The following STXBP5L variants were observed in gnomAD, a reference collection of about 807,000 sequenced individuals.
STXBP5L encodes the protein syntaxin binding protein 5L.
STXBP5L carries 65 observed loss-of-function variants against 144.5 expected under a neutral mutation model. That is an observed-to-expected ratio of 0.45 (90% CI 0.37 to 0.55). STXBP5L has a LOEUF of 0.55. Ranked by LOEUF, STXBP5L falls within the 20% of genes least tolerant of loss-of-function variation. The pLI is 0.00. For synonymous variants in STXBP5L, 505 were observed against 469.6 expected (o/e 1.08, Z -0.97); for missense variants, 1,298 against 1,405.5 (o/e 0.92, Z 1.22).
chr3:121,151,771 A>G (rs1237490378), intron 7 of STXBP5L, among the ~76,000 whole-genome samples: 1 of 152,088 alleles, frequency 6.6e-6, no homozygotes, highest in Non-Finnish European at 1.5e-5. Context: ...TGGTAACAAA[A>G]AAATAGGAAG....
At chr3:121,189,524 A>T (rs1461745929) in intron 9 of STXBP5L, among the ~76,000 whole-genome samples, 1 of 152,184 alleles carries the variant, frequency 6.6e-6, no homozygotes, top group Non-Finnish European at 1.5e-5. Flanking sequence ...CAAAGATCAG[A>T]TGGTTGTAGA....
chr3:120,982,262 C>T (rs1408423925), intron 3 of STXBP5L, among the ~76,000 whole-genome samples: 2 of 152,096 alleles, frequency 1.3e-5, no homozygotes, highest in Non-Finnish European at 2.9e-5. Context: ...TGTAGAATGC[C>T]CAGTTTCCAG....
chr3:121,279,760 A>G (rs755556805), intron 18 of STXBP5L, 45 bp from the exon 19 acceptor site: 4 of 1,593,460 alleles, frequency 2.5e-6, no homozygotes, highest in Non-Finnish European at 3.4e-6. Context: ...AAAAATAATC[A>G]TGCTTGTTGT....
At chr3:121,181,086 G>A (rs1167756692) in intron 9 of STXBP5L, among the ~76,000 whole-genome samples, 2 of 144,322 alleles carry the variant, frequency 1.4e-5, no homozygotes, top group Non-Finnish European at 3.0e-5. Context: ...GGCAACAAGA[G>A]TGAAACTCTG....
chr3:121,244,437 T>C (rs1249479615), intron 14 of STXBP5L, among the ~76,000 whole-genome samples: 2 of 150,844 alleles, frequency 1.3e-5, no homozygotes, highest in African/African-American at 4.9e-5. Context: ...TATGGGAATT[T>C]AAGAAGGGGC....
chr3:120,991,078 T>G (rs1412539468), intron 3 of STXBP5L, among the ~76,000 whole-genome samples: 6 of 151,764 alleles, frequency 4.0e-5, no homozygotes, highest in Non-Finnish European at 2.9e-5. Context: ...TGCAATCTAC[T>G]CATCTGACAA....
intron 19 of STXBP5L, among the ~76,000 whole-genome samples, chr3:121,299,541 A>C (rs1235494887): frequency 6.6e-6 from 1 of 152,144 alleles, no homozygotes; most frequent in Admixed American, 6.6e-5. Flanking sequence ...AATACACGTC[A>C]CTAGAAATGA....
intron 3 of STXBP5L, among the ~76,000 whole-genome samples, chr3:120,990,758 G>T (rs1042953897): frequency 6.6e-6 from 1 of 152,162 alleles, no homozygotes; most frequent in Non-Finnish European, 1.5e-5. Context: ...AGATGATGCT[G>T]GGAAAACTGG....
intron 25 of STXBP5L, among the ~76,000 whole-genome samples, chr3:121,417,823 A>G (rs2047274821): frequency 6.6e-6 from 1 of 152,148 alleles, no homozygotes; most frequent in Non-Finnish European, 1.5e-5. Flanking sequence ...TTATAAATCA[A>G]TTTTTTAACA....
At chr3:121,076,868 A>G (rs1307544907) in intron 5 of STXBP5L, among the ~76,000 whole-genome samples, 1 of 151,984 alleles carries the variant, frequency 6.6e-6, no homozygotes, top group Non-Finnish European at 1.5e-5. Flanking sequence ...GATCCACCAG[A>G]CTGGGTCCTA....
chr3:121,306,963 A>ATTAACAGAGGCAGACAGG (rs535789769), intron 19 of STXBP5L, among the ~76,000 whole-genome samples: 89 of 152,288 alleles, frequency 5.8e-4, no homozygotes, highest in Middle Eastern at 6.8e-3. Context: ...TGTATATGAT[A>ATTAACAGAGGCAGACAGG]TTAACAGAGG....
chr3:120,912,281 CT>C (rs1006373458), intron 2 of STXBP5L, among the ~76,000 whole-genome samples: 57 of 151,754 alleles, frequency 3.8e-4, no homozygotes, highest in African/African-American at 1.3e-3. Flanking sequence ...ATGTCATTTC[CT>C]TGCTAAAAAT....
intron 4 of STXBP5L, among the ~76,000 whole-genome samples, chr3:121,042,810 C>T (rs1468863431): frequency 1.3e-5 from 2 of 152,018 alleles, no homozygotes; most frequent in Admixed American, 6.6e-5. Flanking sequence ...CATATTTCAC[C>T]ATGTAGGCAC....
At chr3:121,406,449 G>T (rs1331235219) in intron 22 of STXBP5L, among the ~76,000 whole-genome samples, 1 of 151,976 alleles carries the variant, frequency 6.6e-6, no homozygotes, top group African/African-American at 2.4e-5. Flanking sequence ...GGGCTAATAG[G>T]GTACTGCTTA....
At chr3:120,992,518 T>G (rs1275094588) in intron 3 of STXBP5L, among the ~76,000 whole-genome samples, 1 of 152,126 alleles carries the variant, frequency 6.6e-6, no homozygotes, top group Non-Finnish European at 1.5e-5. Flanking sequence ...ATCAATTTTT[T>G]TTATCTACTA....
In STXBP5L at chr3:121,137,449, C is replaced by T. The variant is rs370816099; in HGVS notation, c.670-15028C>T. Reference sequence around the variant, plus strand: ...AAAGCCTAGAAGAAATAGATAAATACCTGGATACCAAAACCAGGTAAGGAC... The same window carrying T: ...AAAGCCTAGAAGAAATAGATAAATATCTGGATACCAAAACCAGGTAAGGAC... On this transcript the variant is annotated intron_variant, in intron 7 of 26. Transcript: ENST00000471454. Among the ~76,000 whole-genome samples, 13 of 152,110 alleles carry T rather than the reference C, an allele frequency of 8.5e-5. No homozygotes were observed. The East Asian group carries it at 1.2e-3, about 14-fold the overall frequency.
intron 3 of STXBP5L, among the ~76,000 whole-genome samples, chr3:121,036,448 C>T (rs1325633333): frequency 6.6e-6 from 1 of 152,042 alleles, no homozygotes; most frequent in Admixed American, 6.6e-5. Context: ...AGTTGTCTTC[C>T]TTTCCAGCCT....
intron 3 of STXBP5L, among the ~76,000 whole-genome samples, chr3:120,990,774 C>T (rs1195752181): frequency 1.3e-5 from 2 of 152,110 alleles, no homozygotes; most frequent in East Asian, 1.9e-4. Flanking sequence ...ACTGGCTAGC[C>T]ATATGTAGAA....
chr3:121,021,090 C>A (rs1450289870), intron 3 of STXBP5L, among the ~76,000 whole-genome samples: 1 of 151,854 alleles, frequency 6.6e-6, no homozygotes, highest in African/African-American at 2.4e-5. Flanking sequence ...GTCCATGCAA[C>A]TGGACACCAG....
Sources: gnomAD v4.1 joint callset for allele counts (sites outside exome capture counted in the v4.1 genomes callset) on GRCh38, gnomAD v4.1.1 for gene constraint, MANE v1.5 for transcripts, NCBI Gene and HGNC (gene_info 2026-07-23, HGNC 2026-07-21) for gene names.